NRG3: variants seen among roughly 807,000 people sequenced by gnomAD.
NRG3 encodes pro-neuregulin-3, membrane-bound isoform.
Under a neutral mutation model 66.9 loss-of-function variants are expected in NRG3, and 31 were observed. The observed-to-expected ratio is 0.46, with a 90% confidence interval of 0.35 to 0.63. The LOEUF is 0.63. Among genes scored for constraint, NRG3 ranks in the 20% least tolerant of loss-of-function variants. The probability of loss-of-function intolerance (pLI) is 0.00; values close to 1 mark genes in which losing one functional copy is unlikely to be tolerated. For synonymous variants in NRG3, 393 were observed against 359.4 expected, an observed-to-expected ratio of 1.09 and a Z score of -1.06; for missense variants, 910 against 878.9, an observed-to-expected ratio of 1.04 and a Z score of -0.45.
chr10:82,170,768 T>C (rs1488951472), intron 1 of NRG3, among the ~76,000 whole-genome samples: 2 of 148,292 alleles, frequency 1.3e-5, no homozygotes, highest in Admixed American at 6.8e-5. Flanking sequence ...GAGTCAGCTT[T>C]TTCAAAATTG....
intron 4 of NRG3, among the ~76,000 whole-genome samples, chr10:82,921,461 T>A (rs1474642494): frequency 6.6e-6 from 1 of 152,196 alleles, no homozygotes; most frequent in Non-Finnish European, 1.5e-5. Flanking sequence ...TTAATATTGC[T>A]TCAGTGTTGA....
intron 2 of NRG3, among the ~76,000 whole-genome samples, chr10:82,701,906 A>C (rs1208558809): frequency 6.6e-6 from 1 of 152,170 alleles, no homozygotes; most frequent in African/African-American, 2.4e-5. Flanking sequence ...ACATATAGGG[A>C]TATATTAGAA....
chr10:82,076,759 G>A (rs561029841), intron 1 of NRG3, among the ~76,000 whole-genome samples: 2 of 152,114 alleles, frequency 1.3e-5, no homozygotes, highest in Non-Finnish European at 2.9e-5. Flanking sequence ...ACTTCCTGAG[G>A]CTCTCATGAG....
In NRG3 at chr10:81,914,769, C is replaced by CAAA. The variant is rs58460918; in HGVS notation, c.823+38624_823+38626dup. ...ATAGCCTGTCTTTAAAAACAGAAAG[C>CAAA]AAAAAAAAAAAAAAAAAAAAGAAAG... is the stretch of plus-strand genomic sequence containing the variant. On this transcript the variant is annotated intron_variant, in intron 1 of 8. Coordinates refer to ENST00000372141, the MANE Select transcript of NRG3 (RefSeq NM_001010848.4). Among the ~76,000 whole-genome samples the CAAA allele has an allele frequency of 1.4e-3, 93 of 67,190 alleles. 1 individual carries two copies. The highest frequency in any genetic ancestry group is 2.6e-3 in the African/African-American group (54 of 20,560). 44.1% of individuals were successfully genotyped at this position (67,190 alleles called of 152,430 possible).
chr10:82,465,992 G>A (rs1043798026), intron 2 of NRG3, among the ~76,000 whole-genome samples: 2 of 152,144 alleles, frequency 1.3e-5, no homozygotes, highest in African/African-American at 4.8e-5. Flanking sequence ...GATGTGCCTT[G>A]TGATTGCCCA....
chr10:82,856,680 G>T (rs1179875697), intron 3 of NRG3, among the ~76,000 whole-genome samples: 4 of 145,242 alleles, frequency 2.8e-5, no homozygotes, highest in Admixed American at 2.2e-4. Context: ...GGAGGCAGAG[G>T]CTGCAGTGAG....
At chr10:82,068,918 G>A (rs1417625377) in intron 1 of NRG3, among the ~76,000 whole-genome samples, 1 of 152,134 alleles carries the variant, frequency 6.6e-6, no homozygotes, top group Non-Finnish European at 1.5e-5. Context: ...CTTTCAATAA[G>A]TCACAGTGGA....
intron 1 of NRG3, among the ~76,000 whole-genome samples, chr10:82,015,200 G>T (rs980080753): frequency 6.6e-6 from 1 of 151,992 alleles, no homozygotes; most frequent in Non-Finnish European, 1.5e-5. Context: ...TTCTTACTTG[G>T]GTTCTCTAAA....
intron 1 of NRG3, among the ~76,000 whole-genome samples, chr10:82,241,754 A>G (rs1169910981): frequency 2.0e-5 from 3 of 152,316 alleles, no homozygotes; most frequent in East Asian, 3.9e-4. Context: ...GATTTAGAAT[A>G]CAAGAATGGA....
At chr10:82,136,914 C>T (rs896296597) in intron 1 of NRG3, among the ~76,000 whole-genome samples, 3 of 152,310 alleles carry the variant, frequency 2.0e-5, no homozygotes, top group African/African-American at 2.4e-5. Context: ...CTTCATACCA[C>T]GTGGCTGCTG....
intron 1 of NRG3, among the ~76,000 whole-genome samples, chr10:81,988,110 A>G (rs1215487305): frequency 2.0e-5 from 3 of 152,236 alleles, no homozygotes; most frequent in Non-Finnish European, 2.9e-5. Flanking sequence ...ATTTCAATAT[A>G]TTGACCTTAT....
chr10:82,892,151 T>C (rs897731684), intron 4 of NRG3, among the ~76,000 whole-genome samples: 18 of 151,754 alleles, frequency 1.2e-4, no homozygotes, highest in Non-Finnish European at 1.9e-4. Flanking sequence ...GATATAAGAG[T>C]TCTATTTTTG....
chr10:82,720,182 G>A (rs563545502), intron 2 of NRG3, among the ~76,000 whole-genome samples: 1 of 152,114 alleles, frequency 6.6e-6, no homozygotes, highest in South Asian at 2.1e-4. Flanking sequence ...CTGAGGTCAG[G>A]GGTTCAAGAC....
chr10:82,488,615 G>C (rs939975955), intron 2 of NRG3, among the ~76,000 whole-genome samples: 3 of 152,090 alleles, frequency 2.0e-5, no homozygotes, highest in Non-Finnish European at 4.4e-5. Flanking sequence ...GTGTTCCATG[G>C]AAGCAGAGAT....
chr10:82,643,607 A>T (rs2050728961), intron 2 of NRG3, among the ~76,000 whole-genome samples: 1 of 152,098 alleles, frequency 6.6e-6, no homozygotes, highest in African/African-American at 2.4e-5. Flanking sequence ...TGAGGCCTTG[A>T]AAGAAACTTG....
intron 2 of NRG3, among the ~76,000 whole-genome samples, chr10:82,533,289 C>T (rs1847482652): frequency 6.6e-6 from 1 of 151,856 alleles, no homozygotes; most frequent in South Asian, 2.1e-4. Context: ...ACTGGAGCTT[C>T]ATAGTTTGAT....
At chr10:82,333,514 C>G (rs1236428180) in intron 1 of NRG3, among the ~76,000 whole-genome samples, 2 of 152,156 alleles carry the variant, frequency 1.3e-5, no homozygotes, top group Non-Finnish European at 2.9e-5. Context: ...CAGGGGCTTT[C>G]AAAACTCTGT....
At chr10:82,913,668 CTTAT>C (rs1845548394) in intron 4 of NRG3, among the ~76,000 whole-genome samples, 1 of 152,118 alleles carries the variant, frequency 6.6e-6, no homozygotes, top group African/African-American at 2.4e-5. Flanking sequence ...GTCTGTAATA[CTTAT>C]ACTTGGTTCT....
chr10:82,470,700 G>T (rs865785117), intron 2 of NRG3, among the ~76,000 whole-genome samples: 16 of 152,200 alleles, frequency 1.1e-4, no homozygotes, highest in African/African-American at 3.9e-4. Flanking sequence ...TCTGGCAATG[G>T]TCACATTTGC....
Sources: gnomAD v4.1 joint callset for allele counts (sites outside exome capture counted in the v4.1 genomes callset) on GRCh38, gnomAD v4.1.1 for gene constraint, MANE v1.5 for transcripts, NCBI Gene and HGNC (gene_info 2026-07-23, HGNC 2026-07-21) for gene names.